Variants in PTPRR observed in about 807,000 individuals in gnomAD.
PTPRR encodes receptor-type tyrosine-protein phosphatase R.
A neutral mutation model predicts 77.2 loss-of-function variants in PTPRR; 38 were observed. The ratio of observed to expected loss-of-function variants is 0.49; its 90% CI spans 0.38 to 0.65. The LOEUF is 0.65. Among genes scored for constraint, PTPRR ranks in the 30% least tolerant of loss-of-function variants. PTPRR has a pLI of 0.00. For missense variants in PTPRR, 744 were observed against 799.2 expected, an observed-to-expected ratio of 0.93 and a Z score of 0.83; for synonymous variants, 299 against 283.1, an observed-to-expected ratio of 1.06 and a Z score of -0.57.
intron 2 of PTPRR, among the ~76,000 whole-genome samples, chr12:70,814,254 T>A (rs1055768785): frequency 6.6e-6 from 1 of 152,188 alleles, no homozygotes; most frequent in African/African-American, 2.4e-5. Context: ...CTTGTCCTAA[T>A]TGTCATCTGG....
chr12:70,765,693 C>G (rs573068440), intron 2 of PTPRR, among the ~76,000 whole-genome samples: 1 of 152,168 alleles, frequency 6.6e-6, no homozygotes, highest in African/African-American at 2.4e-5. Flanking sequence ...GATCTGAGAA[C>G]GGGTAGACTG....
intron 12 of PTPRR, among the ~76,000 whole-genome samples, chr12:70,658,963 C>T (rs929088612): frequency 1.0e-4 from 13 of 126,022 alleles, no homozygotes; most frequent in African/African-American, 2.5e-4. Context: ...AATACAGTGG[C>T]GGGATCTTGA....
intron 10 of PTPRR, chr12:70,672,347 T>TATG: frequency 6.9e-7 from 1 of 1,453,668 alleles, no homozygotes; most frequent in East Asian, 2.3e-5. Flanking sequence ...TGTGGAGCCC[T>TATG]ATGATGAGAT....
At chr12:70,661,746 C>T (rs1886807180) in intron 11 of PTPRR, among the ~76,000 whole-genome samples, 1 of 152,188 alleles carries the variant, frequency 6.6e-6, no homozygotes, top group Admixed American at 6.5e-5. Context: ...TCCAAACTTC[C>T]CCGGCACTCC....
rs559641683 is a variant in PTPRR, at chr12:70,723,091, G to A, written c.1008-21768C>T. 1.4e-4 allele frequency among the ~76,000 whole-genome samples: 22 copies of A among 152,282 alleles called. No individual in the cohort carries two copies. The East Asian group carries it at 4.2e-3, about 29-fold the overall frequency. On this transcript the variant is annotated intron_variant, in intron 6 of 13. Transcript: ENST00000283228. Reference sequence around the variant, plus strand: ...TAATTTGTCTTAAGTTCAGCCAAAAGGGAAGAAAATATGATGGGTGGAGCA... The same window carrying A: ...TAATTTGTCTTAAGTTCAGCCAAAAAGGAAGAAAATATGATGGGTGGAGCA...
intron 5 of PTPRR, 107 bp from the exon 6 acceptor site, chr12:70,746,193 A>G: frequency 2.8e-6 from 3 of 1,084,246 alleles, no homozygotes; most frequent in Non-Finnish European, 3.9e-6. Flanking sequence ...AGGCTTAACG[A>G]TAAAGTAAAC....
chr12:70,661,083 G>A lies in PTPRR; in HGVS notation c.1623C>T (p.Thr541=). 6.2e-7 allele frequency: 1 copy of A among 1,610,378 alleles called. No individual in the cohort carries two copies. The highest frequency in any genetic ancestry group is 1.7e-5 in the Admixed American group (1 of 59,692). ...TGTACCAGTAATGCTTCACATGTTG[G>A]GTGTGGCTTCCTTGCTGAAAATAGC... The part of the protein sequence containing the change: ...RNLVLKQGSH[T]QHVKHYWYTS... The change falls in exon 12 of 14, where the codon ACC becomes ACT. Residue 541 remains threonine (T), a synonymous_variant. Transcript: ENST00000283228.
chr12:70,672,766 G>A (rs1293499470), intron 10 of PTPRR: 1 of 1,556,600 alleles, frequency 6.4e-7, no homozygotes, highest in Non-Finnish European at 8.7e-7. Context: ...CCCAGGTGTT[G>A]GTGTATTCAG....
intron 1 of PTPRR, among the ~76,000 whole-genome samples, chr12:70,898,871 C>A (rs1893482046): frequency 6.6e-6 from 1 of 151,210 alleles, no homozygotes; most frequent in Admixed American, 6.6e-5. Flanking sequence ...ACACAAATTT[C>A]TAATATCAGA....
intron 13 of PTPRR, among the ~76,000 whole-genome samples, chr12:70,655,457 A>G (rs1244115475): frequency 6.6e-6 from 1 of 152,262 alleles, no homozygotes; most frequent in African/African-American, 2.4e-5. Context: ...TGTTCATAGC[A>G]GCAGTATTCA....
At chr12:70,646,358 G>T (rs1022983456) in intron 13 of PTPRR, among the ~76,000 whole-genome samples, 3 of 152,164 alleles carry the variant, frequency 2.0e-5, no homozygotes, top group African/African-American at 7.2e-5. Context: ...TTTGAACATA[G>T]ACACCTTCTC....
intron 13 of PTPRR, among the ~76,000 whole-genome samples, chr12:70,640,152 C>T (rs1408470818): frequency 6.6e-6 from 1 of 151,950 alleles, no homozygotes; most frequent in African/African-American, 2.4e-5. Flanking sequence ...ATCACATTTT[C>T]CCCCTTCATA....
intron 6 of PTPRR, among the ~76,000 whole-genome samples, chr12:70,721,851 A>G (rs1392784233): frequency 2.0e-5 from 3 of 152,158 alleles, no homozygotes; most frequent in African/African-American, 7.2e-5. Flanking sequence ...TTGGATGATT[A>G]TTGGAACTGG....
At chr12:70,656,883 A>C in intron 12 of PTPRR, 66 bp from the exon 13 acceptor site, 1 of 1,114,130 alleles carries the variant, frequency 9.0e-7, no homozygotes, top group Non-Finnish European at 1.3e-6. Flanking sequence ...ACATTCTTTT[A>C]CAAGGGTACT....
At chr12:70,784,355 C>T (rs1038156091) in intron 2 of PTPRR, among the ~76,000 whole-genome samples, 7 of 152,228 alleles carry the variant, frequency 4.6e-5, no homozygotes, top group Non-Finnish European at 1.5e-5. Context: ...GGCCATGCCC[C>T]CTGGCAGCCT....
intron 8 of PTPRR, among the ~76,000 whole-genome samples, chr12:70,686,901 C>A (rs568022178): frequency 6.6e-6 from 1 of 152,152 alleles, no homozygotes; most frequent in East Asian, 1.9e-4. Flanking sequence ...TTGTTTTAAG[C>A]CACTAAATTT....
intron 6 of PTPRR, among the ~76,000 whole-genome samples, chr12:70,734,690 T>C (rs1237855621): frequency 1.3e-5 from 2 of 152,130 alleles, no homozygotes; most frequent in African/African-American, 4.8e-5. Context: ...AAGGAGCAAT[T>C]ACTGTGATTC....
chr12:70,910,203 G>C (rs1893680453), intron 1 of PTPRR, among the ~76,000 whole-genome samples: 1 of 152,030 alleles, frequency 6.6e-6, no homozygotes, highest in Admixed American at 6.6e-5. Flanking sequence ...ATTGAATATA[G>C]AATATATTCA....
At chr12:70,845,321 A>G (rs568537187) in intron 2 of PTPRR, among the ~76,000 whole-genome samples, 1 of 152,282 alleles carries the variant, frequency 6.6e-6, no homozygotes, top group Non-Finnish European at 1.5e-5. Flanking sequence ...CTTGATTAGA[A>G]AAACAACCAC....
Sources: gnomAD v4.1 joint callset for allele counts (sites outside exome capture counted in the v4.1 genomes callset) on GRCh38, gnomAD v4.1.1 for gene constraint, MANE v1.5 for transcripts, NCBI Gene and HGNC (gene_info 2026-07-23, HGNC 2026-07-21) for gene names.